HAUS4: variants seen among roughly 807,000 people sequenced by gnomAD.
The protein encoded by HAUS4 is HAUS augmin-like complex subunit 4.
HAUS4 carries 34 observed loss-of-function variants against 50.6 expected under a neutral mutation model. The ratio of observed to expected loss-of-function variants is 0.67; its 90% CI spans 0.51 to 0.90. The LOEUF is 0.90. Among genes scored for constraint, HAUS4 ranks in the 40% least tolerant of loss-of-function variants. The pLI is 0.00. For synonymous variants in HAUS4, 149 were observed against 161.4 expected (o/e 0.92, Z 0.58); for missense variants, 370 against 428.7 (o/e 0.86, Z 1.21).
At position 22,947,247 on chromosome 14, in the gene HAUS4, A is replaced by C; in HGVS notation, c.840-8T>G. ...ATCTTTAGCTCCTCCATCCTGACAG[A>C]GGGAAGAAAGAAATGTCAAGGCAGG... On this transcript the variant is annotated splice_polypyrimidine_tract_variant and splice_region_variant and intron_variant, in intron 8 of 9. Transcript: ENST00000541587. The C allele has an allele frequency of 1.3e-6, 2 of 1,589,256 alleles. No individual in the cohort carries two copies. Among genetic ancestry groups the C allele is most frequent in the South Asian group, 2.2e-5 (2 of 90,602 alleles).
rs756704820 is a variant in HAUS4 at position 22,952,430 on chromosome 14, T to C, written c.228A>G (p.Thr76=). The C allele has an allele frequency of 1.2e-6, 2 of 1,614,058 alleles. No homozygotes were observed. Among genetic ancestry groups the C allele is most frequent in the African/African-American group, 2.7e-5 (2 of 74,940 alleles). Reference sequence around the variant, plus strand: ...GTAAAATCTCAGACCTCAACCATGTTGTCTTATGCAGTCGAACTTCCTTCC... The same window carrying C: ...GTAAAATCTCAGACCTCAACCATGTCGTCTTATGCAGTCGAACTTCCTTCC... ...QAWKEVRLHK[T]TWLRSEILHR... Residue 76 remains threonine (T), a synonymous_variant, in exon 4 of 10, where the codon ACA becomes ACG. Coordinates refer to ENST00000541587, the MANE Select transcript of HAUS4 (RefSeq NM_001166269.2).
intron 2 of HAUS4, among the ~76,000 whole-genome samples, chr14:22,953,082 T>C (rs780169733): frequency 1.3e-5 from 2 of 152,272 alleles, no homozygotes; most frequent in Non-Finnish European, 2.9e-5. Flanking sequence ...ACTTTGGATG[T>C]GATATGTAGT....
chr14:22,949,722 G>A (rs892914955), intron 6 of HAUS4, among the ~76,000 whole-genome samples: 2 of 152,116 alleles, frequency 1.3e-5, no homozygotes, highest in African/African-American at 4.8e-5. Flanking sequence ...TGTTCTATGA[G>A]TCTGAACTTT....
At chr14:22,949,072 GC>G (rs2044699388) in intron 6 of HAUS4, among the ~76,000 whole-genome samples, 1 of 150,730 alleles carries the variant, frequency 6.6e-6, no homozygotes, top group South Asian at 2.1e-4. Context: ...CAGGAGAATT[GC>G]TTGAACCTCG....
intron 6 of HAUS4, among the ~76,000 whole-genome samples, chr14:22,948,551 T>C (rs935805250): frequency 1.3e-5 from 2 of 152,110 alleles, no homozygotes; most frequent in African/African-American, 4.8e-5. Flanking sequence ...TTTTTATTTT[T>C]TTGAGACGGA....
At chr14:22,954,788 C>G (rs981722959) in intron 2 of HAUS4, 1 of 215,050 alleles carries the variant, frequency 4.7e-6, no homozygotes, top group Admixed American at 5.7e-5. Context: ...TACAGTGGCA[C>G]GATCTCAGCT....
intron 1 of HAUS4, among the ~76,000 whole-genome samples, chr14:22,955,813 CAA>C (rs1055823882): frequency 2.0e-4 from 31 of 151,930 alleles, no homozygotes; most frequent in African/African-American, 6.8e-4. Context: ...AGGTCAGTGG[CAA>C]AAGAGTAATG....
In HAUS4 at chr14:22,946,620, C is replaced by T. The variant is rs1051130033; in HGVS notation, c.997G>A (p.Glu333Lys). 1.2e-6 allele frequency: 2 copies of T among 1,614,004 alleles called. No individual in the cohort carries two copies. Among genetic ancestry groups the T allele is most frequent in the African/African-American group, 2.7e-5 (2 of 75,026 alleles). The stretch of plus-strand genomic sequence containing the variant: ...TACTCTTTCACCAGCCTGTCAAACT[C>T]CTCCCCAAGGACCTCATAGGAGTTC... ...VLNSYEVLGE[E>K]FDRLVKEYTV... Residue 333 changes from glutamate (E) to lysine (K), a missense_variant, in exon 10 of 10, where the codon GAG becomes AAG. Physicochemically the swap from Glu to Lys is moderately conservative, Grantham distance 56. Transcript: ENST00000541587.
At chr14:22,951,410 T>C in intron 5 of HAUS4, 145 bp downstream of exon 5, 1 of 819,934 alleles carries the variant, frequency 1.2e-6, no homozygotes, top group South Asian at 1.5e-5. Flanking sequence ...CTTGCTCCTG[T>C]GTAACGTTTT....
At chr14:22,955,782 G>C (rs1046359250) in intron 1 of HAUS4, among the ~76,000 whole-genome samples, 3 of 151,904 alleles carry the variant, frequency 2.0e-5, no homozygotes, top group African/African-American at 7.3e-5. Flanking sequence ...AGGAAACAGC[G>C]TGACAAGAAG....
At position 22,948,075 on chromosome 14, in the gene HAUS4, C is replaced by T. The variant is rs988579342; in HGVS notation, c.563-62G>A. 6 of 1,445,098 alleles carry T rather than the reference C, an allele frequency of 4.2e-6. No individual in the cohort carries two copies. In the African/African-American group the frequency reaches 7.1e-5, roughly 17 times the overall value. 89.5% of individuals were successfully genotyped at this position (1,445,098 alleles called of 1,614,324 possible). ...AATCGCTACAATCCCTGTAAAGCAA[C>T]CTTCCAGTGCCCCTATCCTGTATCT... On this transcript the variant is annotated intron_variant, in intron 6 of 9. Transcript: ENST00000541587.
At position 22,946,599 on chromosome 14, in the gene HAUS4, C is replaced by T; in HGVS notation, c.1018G>A (p.Glu340Lys). 1 of 1,614,030 alleles carries T rather than the reference C, an allele frequency of 6.2e-7. No homozygotes were observed. The highest frequency in any genetic ancestry group is 8.5e-7 in the Non-Finnish European group (1 of 1,179,982). ...LGEEFDRLVK[E>K]YTVLKQATEN... ...GTTGCCTGCTTGAGTACGGTGTACT[C>T]TTTCACCAGCCTGTCAAACTCCTCC... The change falls in exon 10 of 10, where the codon GAG becomes AAG. Residue 340 changes from glutamate to lysine, a missense_variant. Physicochemically the swap from Glu to Lys is moderately conservative, Grantham distance 56 (BLOSUM62 1). Transcript: ENST00000541587.
chr14:22,948,095 G>T, intron 6 of HAUS4, 82 bp from the exon 7 acceptor site: 1 of 1,316,488 alleles, frequency 7.6e-7, no homozygotes, highest in Non-Finnish European at 1.0e-6. Flanking sequence ...CCCCTATCCT[G>T]TATCTAGACC....
intron 2 of HAUS4, among the ~76,000 whole-genome samples, chr14:22,953,769 C>T (rs531731391): frequency 1.3e-5 from 2 of 151,936 alleles, no homozygotes; most frequent in East Asian, 1.9e-4. Context: ...TACAGGCACC[C>T]GCCACCACGC....
intron 2 of HAUS4, among the ~76,000 whole-genome samples, chr14:22,953,669 G>A (rs577487357): frequency 6.6e-6 from 1 of 151,510 alleles, no homozygotes; most frequent in East Asian, 1.9e-4. Context: ...CACCCAGGCT[G>A]GAGTGCAATG....
rs749078637 is a variant in HAUS4, at chr14:22,947,944, T to C, written c.632A>G (p.Gln211Arg). The change falls in exon 7 of 10, where the codon CAG becomes CGG. Residue 211 changes from glutamine (Q) to arginine (R), a missense_variant. Coordinates refer to ENST00000541587, the MANE Select transcript of HAUS4 (RefSeq NM_001166269.2). Reference sequence around the variant, plus strand: ...CTGGCTCTTGGCATCCTGGCACTGCTGCTGCTCACCCACCAGGACCTCTGC... The same window carrying C: ...CTGGCTCTTGGCATCCTGGCACTGCCGCTGCTCACCCACCAGGACCTCTGC... ...KLAEVLVGEQQQCQDAKSQQK... is the reference protein window; with the variant it reads ...KLAEVLVGEQRQCQDAKSQQK... 3.1e-6 allele frequency: 5 copies of C among 1,613,988 alleles called. No individual in the cohort carries two copies. In the Admixed American group the frequency reaches 6.7e-5, roughly 22 times the overall value.
intron 7 of HAUS4, 43 bp downstream of exon 7, chr14:22,947,825 G>C (rs758158148): frequency 9.3e-6 from 15 of 1,610,534 alleles, no homozygotes; most frequent in Non-Finnish European, 1.3e-5. Context: ...AGTGCTCCTG[G>C]GGTCAGGATA....
intron 6 of HAUS4, among the ~76,000 whole-genome samples, chr14:22,949,515 C>T (rs34136473): frequency 0.47 from 58,600 of 125,378 alleles, 15,592 homozygotes; most frequent in East Asian, 0.8. Context: ...GGGGACAGAG[C>T]GAGACTTCGT....
intron 1 of HAUS4, among the ~76,000 whole-genome samples, chr14:22,956,228 C>T (rs919232809): frequency 6.6e-6 from 1 of 152,180 alleles, no homozygotes; most frequent in Non-Finnish European, 1.5e-5. Context: ...CCGGCCGTTG[C>T]TTCTGAGAAC....
Sources: allele counts gnomAD v4.1 joint callset (sites outside exome capture counted in the v4.1 genomes callset), GRCh38; gene constraint gnomAD v4.1.1; transcripts MANE v1.5; gene names NCBI Gene and HGNC (gene_info 2026-07-23, HGNC 2026-07-21).